Variants in EPHA6 observed in about 807,000 individuals in gnomAD.
EPHA6 encodes ephrin type-A receptor 6.
In EPHA6, 50 loss-of-function variants were observed where a neutral mutation model predicts 112.0. The ratio of observed to expected loss-of-function variants is 0.45; its 90% CI spans 0.36 to 0.56. The LOEUF is 0.56. EPHA6 is among the 20% of genes least tolerant of loss of function. The probability of loss-of-function intolerance (pLI) is 0.00; values close to 1 mark genes in which losing one functional copy is unlikely to be tolerated. For missense variants in EPHA6, 1,280 were observed against 1,417.4 expected, an observed-to-expected ratio of 0.90 and a Z score of 1.56; for synonymous variants, 529 against 490.7, an observed-to-expected ratio of 1.08 and a Z score of -1.03.
At chr3:97,396,634 G>A (rs951746003) in intron 5 of EPHA6, among the ~76,000 whole-genome samples, 7 of 151,072 alleles carry the variant, frequency 4.6e-5, no homozygotes, top group African/African-American at 7.3e-5. Context: ...CAATTCTTTC[G>A]TAGCACTTTG....
intron 3 of EPHA6, among the ~76,000 whole-genome samples, chr3:97,203,493 G>A (rs567609887): frequency 5.3e-5 from 8 of 152,224 alleles, no homozygotes; most frequent in South Asian, 4.1e-4. Context: ...TAACAAAACC[G>A]TGTAGTGCCT....
chr3:97,730,021 TA>T (rs1265454767), intron 15 of EPHA6, among the ~76,000 whole-genome samples: 51 of 152,230 alleles, frequency 3.4e-4, no homozygotes, highest in African/African-American at 1.2e-3. Context: ...AAAGACTGTA[TA>T]AATAACTAAA....
At chr3:96,994,709 G>GTGTGTATATATA (rs1363786371) in intron 3 of EPHA6, among the ~76,000 whole-genome samples, 1 of 98,482 alleles carries the variant, frequency 1.0e-5, no homozygotes, top group African/African-American at 5.4e-5. Context: ...GTGTGTGTGT[G>GTGTGTATATATA]TATATATATA....
At chr3:96,995,439 G>C (rs113939731) in intron 3 of EPHA6, among the ~76,000 whole-genome samples, 2 of 152,050 alleles carry the variant, frequency 1.3e-5, no homozygotes, top group East Asian at 1.9e-4. Flanking sequence ...AAACAAAGCA[G>C]CTTTTTCATG....
intron 14 of EPHA6, among the ~76,000 whole-genome samples, chr3:97,688,296 C>T (rs2032400460): frequency 6.6e-6 from 1 of 151,932 alleles, no homozygotes. Context: ...ATGCCTTCAA[C>T]CTAGATCAAA....
intron 2 of EPHA6, among the ~76,000 whole-genome samples, chr3:96,869,748 A>G (rs983938274): frequency 2.0e-5 from 3 of 152,100 alleles, no homozygotes; most frequent in South Asian, 2.1e-4. Flanking sequence ...TATAGCCACT[A>G]TAGTATATAA....
intron 11 of EPHA6, among the ~76,000 whole-genome samples, chr3:97,549,799 A>G (rs2093005244): frequency 6.6e-6 from 1 of 152,112 alleles, no homozygotes; most frequent in South Asian, 2.1e-4. Flanking sequence ...CGACAAGGCG[A>G]GACTCTGTCT....
chr3:97,731,165 A>G (rs1906063), intron 15 of EPHA6, among the ~76,000 whole-genome samples: 149,267 of 152,118 alleles, frequency 0.98, 73,255 homozygotes, highest in Non-Finnish European at 0.99. Flanking sequence ...TTATGAAGGC[A>G]GTAGAATCAG....
chr3:97,315,199 G>T (rs2108764645), intron 5 of EPHA6, among the ~76,000 whole-genome samples: 1 of 151,640 alleles, frequency 6.6e-6, no homozygotes, highest in Middle Eastern at 3.4e-3. Context: ...AACAATATAG[G>T]TTGCCATCTA....
At chr3:97,264,195 T>C (rs1397704936) in intron 5 of EPHA6, among the ~76,000 whole-genome samples, 1 of 152,232 alleles carries the variant, frequency 6.6e-6, no homozygotes, top group Admixed American at 6.5e-5. Flanking sequence ...CCCACTAGGC[T>C]CATTCCATCC....
chr3:97,075,331 G>A (rs994287487), intron 3 of EPHA6, among the ~76,000 whole-genome samples: 6 of 151,774 alleles, frequency 4.0e-5, no homozygotes, highest in Non-Finnish European at 5.9e-5. Context: ...ACTAGATGTC[G>A]CATGTTCCAG....
chr3:97,377,861 G>A (rs1174319263), intron 5 of EPHA6, among the ~76,000 whole-genome samples: 2 of 151,674 alleles, frequency 1.3e-5, no homozygotes, highest in African/African-American at 2.4e-5. Context: ...GCTGTTAAAA[G>A]CACTCCACTT....
chr3:97,669,906 A>T (rs941469242), intron 14 of EPHA6, among the ~76,000 whole-genome samples: 1 of 152,178 alleles, frequency 6.6e-6, no homozygotes, highest in East Asian at 1.9e-4. Flanking sequence ...CCAGGCCCTC[A>T]GCCTCTTCTG....
At chr3:97,584,588 C>T (rs1051489701) in intron 11 of EPHA6, among the ~76,000 whole-genome samples, 12 of 152,148 alleles carry the variant, frequency 7.9e-5, no homozygotes, top group African/African-American at 2.9e-4. Flanking sequence ...TGATTGACTT[C>T]TGCCTGTATT....
intron 11 of EPHA6, among the ~76,000 whole-genome samples, chr3:97,585,836 TATTTG>T (rs1185840201): frequency 6.6e-6 from 1 of 151,102 alleles, no homozygotes; most frequent in Non-Finnish European, 1.5e-5. Flanking sequence ...TATCAAAAAT[TATTTG>T]ATTTTCTATT....
chr3:97,593,118 T>A (rs1342938740), intron 12 of EPHA6, among the ~76,000 whole-genome samples: 2 of 152,102 alleles, frequency 1.3e-5, no homozygotes, highest in Non-Finnish European at 2.9e-5. Context: ...AAAGAGTAAT[T>A]TCATAGAGTT....
intron 10 of EPHA6, among the ~76,000 whole-genome samples, chr3:97,494,342 A>G (rs2091924696): frequency 6.6e-6 from 1 of 152,202 alleles, no homozygotes; most frequent in African/African-American, 2.4e-5. Flanking sequence ...CCTCGCAGTA[A>G]GTGACACTTT....
rs114134729 is a variant in EPHA6, at chr3:97,169,843, A to G, written c.1115-56421A>G. On this transcript the variant is annotated intron_variant, in intron 3 of 17. Coordinates refer to ENST00000389672, the MANE Select transcript of EPHA6 (RefSeq NM_001080448.3). ...TGTTTTTACTTTAAGTAGATTTCAT[A>G]TGCAATGCAAAATTTGGATGTGAAC... Among the ~76,000 whole-genome samples the G allele has an allele frequency of 7.5e-3, 1,135 of 152,246 alleles. 18 individuals are homozygous for G. Among genetic ancestry groups the G allele is most frequent in the African/African-American group, 0.026 (1,063 of 41,542 alleles).
chr3:97,201,636 A>G (rs1390722661), intron 3 of EPHA6, among the ~76,000 whole-genome samples: 1 of 152,150 alleles, frequency 6.6e-6, no homozygotes, highest in Non-Finnish European at 1.5e-5. Context: ...CCTTTTATCC[A>G]TTTGTTAACA....
Sources: gnomAD v4.1 joint callset for allele counts (sites outside exome capture counted in the v4.1 genomes callset) on GRCh38, gnomAD v4.1.1 for gene constraint, MANE v1.5 for transcripts, NCBI Gene and HGNC (gene_info 2026-07-23, HGNC 2026-07-21) for gene names.